RGS6: variants seen among roughly 807,000 people sequenced by gnomAD.
The protein encoded by RGS6 is regulator of G protein signaling 6.
Under a neutral mutation model 78.5 loss-of-function variants are expected in RGS6, and 30 were observed. The ratio of observed to expected loss-of-function variants is 0.38; its 90% CI spans 0.29 to 0.52. The LOEUF (loss-of-function observed/expected upper bound fraction) is 0.52. Among genes scored for constraint, RGS6 ranks in the 20% least tolerant of loss-of-function variants. The pLI is 0.85. For synonymous variants in RGS6, 206 were observed against 206.0 expected, an observed-to-expected ratio of 1.00 and a Z score of 0.00; for missense variants, 495 against 609.7, an observed-to-expected ratio of 0.81 and a Z score of 1.98.
chr14:72,608,745 G>T, the RGS6 span, among the ~76,000 whole-genome samples: 1 of 152,312 alleles, frequency 6.6e-6, no homozygotes, highest in South Asian at 2.1e-4. Context: ...CGGTGACTGT[G>T]GCTTCCCTGG....
intron 2 of RGS6, chr14:71,990,856 C>T: frequency 2.2e-6 from 1 of 456,048 alleles, no homozygotes; most frequent in Non-Finnish European, 4.4e-6. Flanking sequence ...TAGCTTATTT[C>T]TTGCCCTGCC....
At chr14:72,401,647 G>A (rs545149584) in intron 3 of RGS6, among the ~76,000 whole-genome samples, 21 of 148,742 alleles carry the variant, frequency 1.4e-4, no homozygotes, top group African/African-American at 4.4e-4. Flanking sequence ...AAAAGGAAAC[G>A]TGCAATTAAA....
At chr14:72,500,960 A>G (rs114883377) in intron 13 of RGS6, among the ~76,000 whole-genome samples, 256 of 152,264 alleles carry the variant, frequency 1.7e-3, no homozygotes, top group African/African-American at 6.0e-3. Flanking sequence ...CCATTTTTCA[A>G]GACCCTCAAA....
At chr14:72,600,908 C>T in the RGS6 span, among the ~76,000 whole-genome samples, 1 of 152,008 alleles carries the variant, frequency 6.6e-6, no homozygotes, top group Non-Finnish European at 1.5e-5. Flanking sequence ...CTGTAGCCCT[C>T]CCCTGGCTGC....
intron 3 of RGS6, among the ~76,000 whole-genome samples, chr14:72,406,688 T>C (rs970105119): frequency 2.6e-5 from 4 of 152,212 alleles, no homozygotes; most frequent in African/African-American, 9.6e-5. Flanking sequence ...TTTGGCAATG[T>C]CTGTTACTGA....
chr14:72,080,109 C>T (rs2094754176), intron 2 of RGS6, among the ~76,000 whole-genome samples: 1 of 152,122 alleles, frequency 6.6e-6, no homozygotes, highest in African/African-American at 2.4e-5. Context: ...GAAGGACCTT[C>T]AGACCATTTC....
intron 1 of RGS6, among the ~76,000 whole-genome samples, chr14:71,952,045 G>A (rs1280798386): frequency 6.6e-6 from 1 of 152,046 alleles, no homozygotes; most frequent in Non-Finnish European, 1.5e-5. Context: ...GAATTTCCAT[G>A]TACACAGTTA....
chr14:72,196,409 TC>T (rs1284957034), intron 2 of RGS6, among the ~76,000 whole-genome samples: 4 of 152,144 alleles, frequency 2.6e-5, no homozygotes, highest in Non-Finnish European at 4.4e-5. Flanking sequence ...CTACTGTCTG[TC>T]CCCCATCGGG....
intron 2 of RGS6, among the ~76,000 whole-genome samples, chr14:72,347,917 G>A (rs1596086657): frequency 6.6e-6 from 1 of 152,314 alleles, no homozygotes; most frequent in East Asian, 1.9e-4. Context: ...GAGACTACCA[G>A]GTGGCACTGA....
chr14:72,028,790 A>G (rs960842449), intron 2 of RGS6, among the ~76,000 whole-genome samples: 12 of 152,222 alleles, frequency 7.9e-5, no homozygotes, highest in African/African-American at 2.9e-4. Context: ...TTGAAAAACC[A>G]ACACAGATTG....
At chr14:72,200,540 A>G (rs987683910) in intron 2 of RGS6, among the ~76,000 whole-genome samples, 2 of 152,170 alleles carry the variant, frequency 1.3e-5, no homozygotes, top group Admixed American at 6.5e-5. Context: ...AGGTTTGACC[A>G]ACTCAGAGGA....
intron 1 of RGS6, among the ~76,000 whole-genome samples, chr14:71,949,794 T>G (rs1351242222): frequency 6.6e-6 from 1 of 151,814 alleles, no homozygotes; most frequent in Non-Finnish European, 1.5e-5. Context: ...TTTTTTTTTT[T>G]TGCCTTTTAG....
intron 3 of RGS6, among the ~76,000 whole-genome samples, chr14:72,430,219 C>A (rs887738257): frequency 2.6e-5 from 4 of 152,182 alleles, no homozygotes; most frequent in Non-Finnish European, 5.9e-5. Flanking sequence ...AATAACCTTT[C>A]CATTCTCCCA....
chr14:72,078,438 G>A (rs1046705078), intron 2 of RGS6, among the ~76,000 whole-genome samples: 1 of 151,438 alleles, frequency 6.6e-6, no homozygotes, highest in African/African-American at 2.4e-5. Flanking sequence ...TTAAGAGATG[G>A]AGTCTTGCTC....
intron 3 of RGS6, among the ~76,000 whole-genome samples, chr14:72,363,830 T>G (rs2081954082): frequency 6.6e-6 from 1 of 151,834 alleles, no homozygotes; most frequent in Non-Finnish European, 1.5e-5. Flanking sequence ...CAAAGGGCAG[T>G]CAGTGCCTCA....
At chr14:72,036,616 G>T (rs770401136) in intron 2 of RGS6, among the ~76,000 whole-genome samples, 2 of 152,018 alleles carry the variant, frequency 1.3e-5, no homozygotes, top group Non-Finnish European at 2.9e-5. Context: ...CCGACCCTAC[G>T]TCCCCTTTGG....
At chr14:71,872,890 T>C in the RGS6 span, among the ~76,000 whole-genome samples, 2 of 152,152 alleles carry the variant, frequency 1.3e-5, no homozygotes, top group African/African-American at 4.8e-5. Flanking sequence ...GAACATGCGG[T>C]GTTTGGTTTT....
chr14:72,200,605 G>GCTGTCCCTGGAAACACAC (rs1166956547), intron 2 of RGS6, among the ~76,000 whole-genome samples: 10 of 129,288 alleles, frequency 7.7e-5, no homozygotes, highest in Admixed American at 1.6e-4. Context: ...TAGGGACAGG[G>GCTGTCCCTGGAAACACAC]CTGTCCCTGG....
chr14:72,454,619 A>G (rs2095582124), intron 4 of RGS6, 41 bp downstream of exon 4: 1 of 1,569,082 alleles, frequency 6.4e-7, no homozygotes, highest in Non-Finnish European at 8.7e-7. Flanking sequence ...CCCTGGTATC[A>G]GTAAACATCC....
Sources: gnomAD v4.1 joint callset for allele counts (sites outside exome capture counted in the v4.1 genomes callset) on GRCh38, gnomAD v4.1.1 for gene constraint, MANE v1.5 for transcripts, NCBI Gene and HGNC (gene_info 2026-07-23, HGNC 2026-07-21) for gene names.